TUSC3: variants seen among roughly 807,000 people sequenced by gnomAD.
TUSC3 encodes the protein tumor suppressor candidate 3.
Under a neutral mutation model 44.8 loss-of-function variants are expected in TUSC3, and 45 were observed. That is an observed-to-expected ratio of 1.00 (90% CI 0.79 to 1.29). TUSC3 has a LOEUF of 1.29. Ranked by LOEUF, TUSC3 falls within the 50% of genes most tolerant of loss-of-function variation. TUSC3 has a pLI of 0.00. For missense variants in TUSC3, 519 were observed against 437.9 expected, an observed-to-expected ratio of 1.19 and a Z score of -1.65; for synonymous variants, 212 against 152.9, an observed-to-expected ratio of 1.39 and a Z score of -2.85.
the TUSC3 span, among the ~76,000 whole-genome samples, chr8:15,834,585 G>A: frequency 6.6e-6 from 1 of 151,960 alleles, no homozygotes; most frequent in Non-Finnish European, 1.5e-5. Flanking sequence ...TTTATTATAT[G>A]CCTTTTTAGC....
intron 1 of TUSC3, among the ~76,000 whole-genome samples, chr8:15,438,165 G>T (rs1325373055): frequency 6.6e-6 from 1 of 152,086 alleles, no homozygotes; most frequent in African/African-American, 2.4e-5. Flanking sequence ...CACAGTCTCG[G>T]CTCCCTGCAA....
intron 2 of TUSC3, among the ~76,000 whole-genome samples, chr8:15,495,362 C>CA (rs1485409912): frequency 1.3e-5 from 2 of 152,276 alleles, no homozygotes; most frequent in Non-Finnish European, 2.9e-5. Flanking sequence ...GGTGTTTTGT[C>CA]AAATGCCAAT....
At chr8:15,811,676 A>T in the TUSC3 span, among the ~76,000 whole-genome samples, 1 of 152,218 alleles carries the variant, frequency 6.6e-6, no homozygotes, top group Non-Finnish European at 1.5e-5. Flanking sequence ...AATTTGGAAA[A>T]GGCAAATGAG....
chr8:15,655,864 A>G (rs1254273682), intron 3 of TUSC3, among the ~76,000 whole-genome samples: 1 of 152,018 alleles, frequency 6.6e-6, no homozygotes, highest in African/African-American at 2.4e-5. Context: ...TCCCCAAACC[A>G]CCTTATTTTT....
At chr8:15,464,014 G>C (rs538260020) in intron 1 of TUSC3, among the ~76,000 whole-genome samples, 1 of 152,252 alleles carries the variant, frequency 6.6e-6, no homozygotes, top group Admixed American at 6.5e-5. Context: ...GATTCCTAAA[G>C]TGCCTGTAAG....
intron 2 of TUSC3, among the ~76,000 whole-genome samples, chr8:15,521,104 C>T (rs2129129396): frequency 6.6e-6 from 1 of 152,312 alleles, no homozygotes; most frequent in East Asian, 1.9e-4. Context: ...TGGATGGCAG[C>T]AGGACAGTGC....
chr8:15,548,521 T>G (rs893379297), intron 1 of TUSC3, among the ~76,000 whole-genome samples: 5 of 151,824 alleles, frequency 3.3e-5, no homozygotes, highest in Admixed American at 6.6e-5. Context: ...GAAACCATCT[T>G]ATTACCTCGA....
intron 2 of TUSC3, among the ~76,000 whole-genome samples, chr8:15,630,030 A>G (rs1324373767): frequency 1.3e-5 from 2 of 152,098 alleles, no homozygotes; most frequent in Non-Finnish European, 2.9e-5. Flanking sequence ...TTTTAAATCA[A>G]ATTATACTGT....
intron 1 of TUSC3, among the ~76,000 whole-genome samples, chr8:15,467,156 A>G (rs1041582141): frequency 9.2e-5 from 14 of 152,042 alleles, no homozygotes; most frequent in African/African-American, 3.4e-4. Context: ...CCTGTGATTA[A>G]AAGACAACAC....
At chr8:15,512,481 A>G (rs564247176) in intron 2 of TUSC3, among the ~76,000 whole-genome samples, 1 of 152,180 alleles carries the variant, frequency 6.6e-6, no homozygotes, top group South Asian at 2.1e-4. Context: ...TTAACAATAA[A>G]TGTTTCTCTG....
intron 7 of TUSC3, among the ~76,000 whole-genome samples, chr8:15,738,591 C>A (rs924163887): frequency 4.6e-5 from 7 of 152,002 alleles, no homozygotes; most frequent in Admixed American, 2.0e-4. Context: ...GTGACTCTTT[C>A]CTGAAAAAGT....
chr8:15,623,877 A>G (rs1271305043), intron 2 of TUSC3, among the ~76,000 whole-genome samples: 1 of 152,156 alleles, frequency 6.6e-6, no homozygotes, highest in Non-Finnish European at 1.5e-5. Flanking sequence ...CAAGTAGGGT[A>G]CTGGCATCGA....
At chr8:15,581,978 C>T (rs574199905) in intron 1 of TUSC3, among the ~76,000 whole-genome samples, 7 of 151,316 alleles carry the variant, frequency 4.6e-5, no homozygotes, top group African/African-American at 1.7e-4. Context: ...GGGCGTAGGA[C>T]CCTCTGAGCC....
At chr8:15,578,648 T>G (rs145371088) in intron 1 of TUSC3, among the ~76,000 whole-genome samples, 1 of 150,050 alleles carries the variant, frequency 6.7e-6, no homozygotes, top group South Asian at 2.1e-4. Flanking sequence ...ACCAGCCTTG[T>G]GTCCCAGGGA....
At chr8:15,804,994 G>C in the TUSC3 span, among the ~76,000 whole-genome samples, 2 of 151,976 alleles carry the variant, frequency 1.3e-5, no homozygotes, top group African/African-American at 4.8e-5. Flanking sequence ...TGTGTCATCT[G>C]TATTTTCTTT....
At chr8:15,515,102 C>G (rs1263892126) in intron 2 of TUSC3, among the ~76,000 whole-genome samples, 1 of 152,120 alleles carries the variant, frequency 6.6e-6, no homozygotes, top group Non-Finnish European at 1.5e-5. Flanking sequence ...CAAGACCACA[C>G]TGTCTTGATT....
At chr8:15,809,644 AT>A in the TUSC3 span, among the ~76,000 whole-genome samples, 3 of 152,228 alleles carry the variant, frequency 2.0e-5, no homozygotes, top group Non-Finnish European at 2.9e-5. Context: ...TTATAACAAT[AT>A]GCTGTAATAA....
chr8:15,813,392 A>AC, the TUSC3 span, among the ~76,000 whole-genome samples: 21,011 of 138,876 alleles, frequency 0.15, 1,578 homozygotes, highest in Admixed American at 0.22. Flanking sequence ...AAACAAACAA[A>AC]AAAAAAAACA....
At chr8:15,763,951 A>C (rs958667239) in intron 10 of TUSC3, among the ~76,000 whole-genome samples, 1 of 152,080 alleles carries the variant, frequency 6.6e-6, no homozygotes, top group Non-Finnish European at 1.5e-5. Context: ...AGGAATGTCT[A>C]TGTAAATTTA....
Sources: allele counts gnomAD v4.1 joint callset (sites outside exome capture counted in the v4.1 genomes callset), GRCh38; gene constraint gnomAD v4.1.1; transcripts MANE v1.5; gene names NCBI Gene and HGNC (gene_info 2026-07-23, HGNC 2026-07-21).